ZNF385D: variants seen among roughly 807,000 people sequenced by gnomAD.
ZNF385D encodes the protein zinc finger protein 385D, also known as zinc finger protein 659.
In ZNF385D, 15 loss-of-function variants were observed where a neutral mutation model predicts 35.8. The ratio of observed to expected loss-of-function variants is 0.42; its 90% CI spans 0.28 to 0.64. The LOEUF (loss-of-function observed/expected upper bound fraction) is 0.64, where lower values mean the gene tolerates loss of function less well. Ranked by LOEUF, ZNF385D falls within the 30% of genes least tolerant of loss-of-function variation. The pLI is 0.23. For synonymous variants in ZNF385D, 212 were observed against 186.8 expected (o/e 1.13, Z -1.10); for missense variants, 474 against 494.6 (o/e 0.96, Z 0.39).
At chr3:22,089,533 T>G (rs1168204139) in intron 3 of ZNF385D, among the ~76,000 whole-genome samples, 1 of 152,144 alleles carries the variant, frequency 6.6e-6, no homozygotes, top group Non-Finnish European at 1.5e-5. Flanking sequence ...GTAAGTGTGC[T>G]TTTAACAGTG....
chr3:22,246,384 T>C (rs1473547824), intron 2 of ZNF385D, among the ~76,000 whole-genome samples: 4 of 152,150 alleles, frequency 2.6e-5, no homozygotes, highest in African/African-American at 9.6e-5. Context: ...GTGTTATGAA[T>C]ACCTTACTCA....
rs77414745 is a variant in ZNF385D at position 21,679,347 on chromosome 3, T to C, written c.23-14319A>G. On this transcript the variant is annotated intron_variant, in intron 1 of 7. Transcript: ENST00000281523. ...TTAAATTTTTATTTTATTAGCATTA[T>C]TGCTTAAATCATTAATTGGTATATC... Among the ~76,000 whole-genome samples the C allele has an allele frequency of 3.8e-3, 584 of 152,240 alleles. 5 individuals are homozygous for C. Among genetic ancestry groups the C allele is most frequent in the African/African-American group, 0.013 (555 of 41,550 alleles).
At chr3:22,188,379 A>G (rs952501319) in intron 2 of ZNF385D, among the ~76,000 whole-genome samples, 4 of 152,176 alleles carry the variant, frequency 2.6e-5, no homozygotes, top group Admixed American at 2.0e-4. Context: ...GCATTGAAAG[A>G]AACACACTGA....
intron 2 of ZNF385D, among the ~76,000 whole-genome samples, chr3:22,199,106 T>A (rs1333033287): frequency 6.6e-6 from 1 of 152,062 alleles, no homozygotes; most frequent in Non-Finnish European, 1.5e-5. Flanking sequence ...AGCTCTGAGA[T>A]TTGAAAAGCA....
intron 2 of ZNF385D, among the ~76,000 whole-genome samples, chr3:22,186,486 C>T (rs1057416070): frequency 2.0e-5 from 3 of 152,140 alleles, no homozygotes; most frequent in Non-Finnish European, 2.9e-5. Flanking sequence ...CCATCTCTGT[C>T]GTCAGAGACA....
At chr3:22,007,691 A>G (rs1696298996) in intron 3 of ZNF385D, among the ~76,000 whole-genome samples, 1 of 152,208 alleles carries the variant, frequency 6.6e-6, no homozygotes, top group East Asian at 1.9e-4. Flanking sequence ...TAAGTGAGAA[A>G]TGATAATTCA....
At chr3:21,490,630 GA>G (rs753895418) in intron 4 of ZNF385D, among the ~76,000 whole-genome samples, 19 of 152,138 alleles carry the variant, frequency 1.2e-4, no homozygotes, top group Non-Finnish European at 2.1e-4. Context: ...TATGTATGGA[GA>G]GGTCACTAGT....
chr3:21,939,692 G>C (rs1202711768), intron 3 of ZNF385D, among the ~76,000 whole-genome samples: 1 of 152,156 alleles, frequency 6.6e-6, no homozygotes, highest in African/African-American at 2.4e-5. Context: ...AACAATTTGT[G>C]ATGAGTTCAA....
At chr3:22,349,979 A>C (rs140255447) in intron 2 of ZNF385D, among the ~76,000 whole-genome samples, 4 of 152,320 alleles carry the variant, frequency 2.6e-5, no homozygotes, top group African/African-American at 7.2e-5. Flanking sequence ...AAAATGTGAA[A>C]TAAACCTTGG....
At chr3:21,463,730 G>C (rs1379187727) in intron 4 of ZNF385D, among the ~76,000 whole-genome samples, 1 of 152,188 alleles carries the variant, frequency 6.6e-6, no homozygotes, top group African/African-American at 2.4e-5. Flanking sequence ...GAAATCAGGA[G>C]AAACCTCTTC....
At chr3:21,762,851 T>C (rs1409441751) in intron 3 of ZNF385D, among the ~76,000 whole-genome samples, 1 of 152,104 alleles carries the variant, frequency 6.6e-6, no homozygotes, top group African/African-American at 2.4e-5. Context: ...GGGCACCTTT[T>C]TACAAGCTGG....
At chr3:22,081,291 T>C (rs193291264) in intron 3 of ZNF385D, among the ~76,000 whole-genome samples, 1 of 152,176 alleles carries the variant, frequency 6.6e-6, no homozygotes, top group Non-Finnish European at 1.5e-5. Context: ...GGGAGCTATA[T>C]AGTATAGAAC....
chr3:21,670,833 G>A lies in ZNF385D; in HGVS notation c.23-5805C>T, dbSNP rs149608257. Among the ~76,000 whole-genome samples, 585 of 151,514 alleles carry A rather than the reference G, an allele frequency of 3.9e-3. 4 individuals are homozygous for A. The highest frequency in any genetic ancestry group is 0.014 in the African/African-American group (564 of 41,324). On this transcript the variant is annotated intron_variant, in intron 1 of 7. Coordinates refer to ENST00000281523, the MANE Select transcript of ZNF385D (RefSeq NM_024697.3). Reference sequence around the variant, plus strand: ...TTCCTTATGGGCTAACCAGAAACTAGCCCTTTCAACCAAACAACTGATGCT... The same window carrying A: ...TTCCTTATGGGCTAACCAGAAACTAACCCTTTCAACCAAACAACTGATGCT...
chr3:21,852,471 T>C (rs1476792272), intron 3 of ZNF385D, among the ~76,000 whole-genome samples: 1 of 151,898 alleles, frequency 6.6e-6, no homozygotes. Flanking sequence ...CTTTATTGAT[T>C]TTACATTACT....
Position 21,751,124 on chromosome 3 carries a change from C to T in ZNF385D, c.-208G>A, listed in dbSNP as rs1575588704. ...TAAGATCCCCGGCGGCTGGAGAGTG[C>T]GCTCGGGCTGCCTGCTGCACTGCCC... On this transcript the variant is annotated 5_prime_UTR_variant, in exon 1 of 8. Coordinates refer to ENST00000281523, the MANE Select transcript of ZNF385D (RefSeq NM_024697.3). The T allele has an allele frequency of 1.0e-5, 15 of 1,461,194 alleles. No individual in the cohort carries two copies. The East Asian group carries it at 1.5e-4, about 15-fold the overall frequency. 90.5% of individuals were successfully genotyped at this position (1,461,194 alleles called of 1,614,324 possible).
chr3:21,655,973 CA>C (rs2066058788), intron 2 of ZNF385D, among the ~76,000 whole-genome samples: 3 of 152,070 alleles, frequency 2.0e-5, no homozygotes, highest in Middle Eastern at 3.4e-3. Flanking sequence ...ATGATCAATA[CA>C]TTTTTTTTCC....
intron 1 of ZNF385D, among the ~76,000 whole-genome samples, chr3:21,699,340 G>C (rs2067588607): frequency 6.6e-6 from 1 of 152,224 alleles, no homozygotes; most frequent in Middle Eastern, 3.4e-3. Context: ...GCCTGTCAGG[G>C]GGTGAGGGGC....
intron 7 of ZNF385D, among the ~76,000 whole-genome samples, chr3:21,421,994 T>C (rs1351647036): frequency 1.3e-5 from 2 of 152,204 alleles, no homozygotes; most frequent in Non-Finnish European, 2.9e-5. Flanking sequence ...CCCCTAAATT[T>C]TGACACGTTC....
intron 2 of ZNF385D, among the ~76,000 whole-genome samples, chr3:21,575,155 A>G (rs2063459892): frequency 6.6e-6 from 1 of 152,174 alleles, no homozygotes; most frequent in Admixed American, 6.5e-5. Context: ...AGTGTCATGA[A>G]TGAGTCAAAA....
Sources: allele counts gnomAD v4.1 joint callset (sites outside exome capture counted in the v4.1 genomes callset), GRCh38; gene constraint gnomAD v4.1.1; transcripts MANE v1.5; gene names NCBI Gene and HGNC (gene_info 2026-07-23, HGNC 2026-07-21).